Variants in PPHLN1 observed in about 807,000 individuals in gnomAD.
PPHLN1 encodes the protein periphilin-1.
In PPHLN1, 29 loss-of-function variants were observed where a neutral mutation model predicts 51.3. That is an observed-to-expected ratio of 0.57 (90% CI 0.42 to 0.77). The LOEUF (loss-of-function observed/expected upper bound fraction) is 0.77, where lower values mean the gene tolerates loss of function less well. Among genes scored for constraint, PPHLN1 ranks in the 30% least tolerant of loss-of-function variants. The pLI is 0.00. For synonymous variants in PPHLN1, 147 were observed against 147.8 expected, an observed-to-expected ratio of 0.99 and a Z score of 0.04; for missense variants, 436 against 438.4, an observed-to-expected ratio of 0.99 and a Z score of 0.05.
chr12:42,412,564 T>A (rs2079969622), intron 9 of PPHLN1, among the ~76,000 whole-genome samples: 1 of 152,178 alleles, frequency 6.6e-6, no homozygotes. Context: ...GCAGGTGTCT[T>A]TTTAATTTTT....
At chr12:42,373,570 C>A (rs561194786) in intron 4 of PPHLN1, among the ~76,000 whole-genome samples, 65 of 152,300 alleles carry the variant, frequency 4.3e-4, no homozygotes, top group Non-Finnish European at 6.8e-4. Flanking sequence ...ACTCTTCTGT[C>A]TGAAATTTAG....
chr12:42,431,828 A>G (rs1592984095), intron 9 of PPHLN1: 1 of 1,385,542 alleles, frequency 7.2e-7, no homozygotes. Context: ...CTTCAATCAC[A>G]TATTTTGCCT....
At chr12:42,404,587 C>T (rs187584854) in intron 9 of PPHLN1, among the ~76,000 whole-genome samples, 119 of 150,904 alleles carry the variant, frequency 7.9e-4, no homozygotes, top group Non-Finnish European at 1.0e-3. Flanking sequence ...TATAGGTTTA[C>T]CTCTGAAAGG....
Position 42,439,034 on chromosome 12 carries a change from A to G in PPHLN1, c.910-2281A>G, listed in dbSNP as rs1010079894. Reference sequence around the variant, plus strand: ...TAACAGTGTCTTTCACAAAGCACAGATTTTTAAATTTTAATGAAATCCAAT... The same window carrying G: ...TAACAGTGTCTTTCACAAAGCACAGGTTTTTAAATTTTAATGAAATCCAAT... On this transcript the variant is annotated intron_variant, in intron 9 of 9. Transcript: ENST00000358314. 4.6e-5 allele frequency among the ~76,000 whole-genome samples: 7 copies of G among 152,336 alleles called. No homozygotes were observed. The South Asian group carries it at 8.3e-4, about 18-fold the overall frequency.
intron 9 of PPHLN1, among the ~76,000 whole-genome samples, chr12:42,436,743 A>G (rs2082520935): frequency 6.6e-6 from 1 of 152,172 alleles, no homozygotes; most frequent in Non-Finnish European, 1.5e-5. Context: ...ACAGGTGGGT[A>G]GTATATAAAG....
At position 42,424,988 on chromosome 12, in the gene PPHLN1, C is replaced by T. The variant is rs74426252; in HGVS notation, c.910-16327C>T. Among the ~76,000 whole-genome samples the T allele has an allele frequency of 9.2e-3, 1,402 of 152,070 alleles. 27 individuals are homozygous for T. The highest frequency in any genetic ancestry group is 0.032 in the African/African-American group (1,328 of 41,482). On this transcript the variant is annotated intron_variant, in intron 9 of 9. Transcript: ENST00000358314. Reference sequence around the variant, plus strand: ...TAACAAAAGTAACTTCTACTAAAATCAGCTTTCCAATATAGAATTTTTTCC... The same window carrying T: ...TAACAAAAGTAACTTCTACTAAAATTAGCTTTCCAATATAGAATTTTTTCC...
chr12:42,442,896 C>A, downstream of PPHLN1: 1 of 1,199,828 alleles, frequency 8.3e-7, no homozygotes, highest in Non-Finnish European at 1.1e-6. Flanking sequence ...TTCGCAGGCT[C>A]AATTAAGGGA....
At chr12:42,428,885 T>G (rs1177116427) in intron 9 of PPHLN1, among the ~76,000 whole-genome samples, 2 of 151,378 alleles carry the variant, frequency 1.3e-5, no homozygotes, top group Non-Finnish European at 2.9e-5. Flanking sequence ...GGAGCTGAAT[T>G]GCCATCTTAA....
At chr12:42,396,007 A>G (rs546910901) in intron 8 of PPHLN1, among the ~76,000 whole-genome samples, 3 of 152,256 alleles carry the variant, frequency 2.0e-5, no homozygotes, top group Non-Finnish European at 2.9e-5. Flanking sequence ...TTATACTTTC[A>G]TCTTCTGGGC....
chr12:42,396,201 T>A (rs983866307), intron 8 of PPHLN1, among the ~76,000 whole-genome samples: 1 of 152,214 alleles, frequency 6.6e-6, no homozygotes, highest in African/African-American at 2.4e-5. Context: ...TTCATCGGTG[T>A]TCAGTAAGAG....
intron 8 of PPHLN1, among the ~76,000 whole-genome samples, chr12:42,394,658 T>A (rs2078039502): frequency 1.3e-5 from 2 of 152,072 alleles, no homozygotes; most frequent in Admixed American, 1.3e-4. Context: ...TGTTCTTAAG[T>A]GGGTCAAGGT....
chr12:42,349,468 A>G (rs1009880152), intron 2 of PPHLN1, among the ~76,000 whole-genome samples: 1 of 151,902 alleles, frequency 6.6e-6, no homozygotes, highest in Non-Finnish European at 1.5e-5. Flanking sequence ...GGGATTTGGC[A>G]GGGTCATAGG....
At chr12:42,326,836 G>C (rs2068853170) in intron 1 of PPHLN1, among the ~76,000 whole-genome samples, 1 of 152,096 alleles carries the variant, frequency 6.6e-6, no homozygotes, top group South Asian at 2.1e-4. Flanking sequence ...TTATACTTCT[G>C]CCTACCAGCA....
intron 8 of PPHLN1, among the ~76,000 whole-genome samples, chr12:42,396,377 A>G (rs1295694125): frequency 1.3e-5 from 2 of 152,070 alleles, no homozygotes; most frequent in Admixed American, 1.3e-4. Context: ...CACTTGTGTC[A>G]GACATTGCTT....
intron 9 of PPHLN1, among the ~76,000 whole-genome samples, chr12:42,430,510 T>G (rs183348861): frequency 9.8e-5 from 15 of 152,302 alleles, no homozygotes; most frequent in African/African-American, 3.6e-4. Context: ...TGTTTTGTTT[T>G]GTTTTTTTGA....
chr12:42,441,490 A>G lies in PPHLN1; in HGVS notation c.1085A>G (p.Asp362Gly), dbSNP rs759731598. Residue 362 changes from aspartate to glycine, a missense_variant, in exon 10 of 10, where the codon GAT becomes GGT. Transcript: ENST00000358314. ...GCAGAGTATGATACTTCCACTCAAGATTTTGGAGAGCCTTTTTAGATTTTT... is the reference window on the plus strand; with the variant it reads ...GCAGAGTATGATACTTCCACTCAAGGTTTTGGAGAGCCTTTTTAGATTTTT... ...FIAEYDTSTQ[D>G]FGEPF The G allele has an allele frequency of 6.3e-7, 1 of 1,593,294 alleles. No individual in the cohort carries two copies. Among genetic ancestry groups the G allele is most frequent in the South Asian group, 1.2e-5 (1 of 85,854 alleles).
intron 9 of PPHLN1, among the ~76,000 whole-genome samples, chr12:42,436,168 TA>T (rs536371004): frequency 1.6e-4 from 24 of 152,248 alleles, no homozygotes; most frequent in Non-Finnish European, 3.4e-4. Flanking sequence ...CCTTATTTTA[TA>T]AACTCTTTCT....
intron 2 of PPHLN1, among the ~76,000 whole-genome samples, chr12:42,344,666 C>T (rs1592246511): frequency 6.7e-6 from 1 of 149,478 alleles, no homozygotes; most frequent in Non-Finnish European, 1.5e-5. Context: ...GTAATTCATA[C>T]AATTTTTACC....
At chr12:42,385,137 T>G in intron 6 of PPHLN1, 141 bp downstream of exon 6, 6 of 877,804 alleles carry the variant, frequency 6.8e-6, no homozygotes, top group East Asian at 2.7e-5. Context: ...ACCTAGGTAC[T>G]AGGATTTGGG....
Sources: allele counts gnomAD v4.1 joint callset (sites outside exome capture counted in the v4.1 genomes callset), GRCh38; gene constraint gnomAD v4.1.1; transcripts MANE v1.5; gene names NCBI Gene and HGNC (gene_info 2026-07-23, HGNC 2026-07-21).